Variants in ADGRV1 observed in about 807,000 individuals in gnomAD.
ADGRV1 encodes the protein adhesion G protein-coupled receptor V1.
A neutral mutation model predicts 596.2 loss-of-function variants in ADGRV1; 359 were observed. The observed-to-expected ratio is 0.60, with a 90% CI of 0.55 to 0.66. The LOEUF is 0.66. Ranked by LOEUF, ADGRV1 falls within the 30% of genes least tolerant of loss-of-function variation. The probability of loss-of-function intolerance (pLI) is 0.00; values close to 1 mark genes in which losing one functional copy is unlikely to be tolerated. For missense variants in ADGRV1, 7,274 were observed against 7,575.6 expected (o/e 0.96, Z 1.48); for synonymous variants, 2,681 against 2,679.2 (o/e 1.00, Z -0.02).
intron 29 of ADGRV1, among the ~76,000 whole-genome samples, chr5:90,688,243 A>G (rs1000393693): frequency 1.3e-5 from 2 of 152,208 alleles, no homozygotes; most frequent in South Asian, 2.1e-4. Flanking sequence ...ATAACGCCGC[A>G]TATCTACAAC....
intron 82 of ADGRV1, among the ~76,000 whole-genome samples, chr5:90,858,599 C>T (rs1284725729): frequency 6.6e-6 from 1 of 152,088 alleles, no homozygotes; most frequent in East Asian, 1.9e-4. Flanking sequence ...CTTTCCACCT[C>T]ACCCTCCCAA....
intron 15 of ADGRV1, among the ~76,000 whole-genome samples, chr5:90,645,595 C>G (rs1472308413): frequency 2.0e-5 from 3 of 152,150 alleles, no homozygotes; most frequent in Non-Finnish European, 4.4e-5. Flanking sequence ...ACTCTAAACT[C>G]TGCTCTAAAT....
At chr5:90,573,710 T>C (rs1047452406) in intron 1 of ADGRV1, among the ~76,000 whole-genome samples, 1 of 152,232 alleles carries the variant, frequency 6.6e-6, no homozygotes. Context: ...AGACAAATTA[T>C]TGAAGTTTTA....
chr5:90,780,483 T>G (rs144127292), intron 64 of ADGRV1, among the ~76,000 whole-genome samples: 407 of 152,274 alleles, frequency 2.7e-3, no homozygotes, highest in African/African-American at 9.3e-3. Context: ...ATCGGCATTT[T>G]TTAGCATGAG....
intron 85 of ADGRV1, among the ~76,000 whole-genome samples, chr5:91,036,058 CATT>C (rs1192590766): frequency 6.6e-6 from 1 of 150,854 alleles, no homozygotes; most frequent in Non-Finnish European, 1.5e-5. Context: ...ATGAAGAAAT[CATT>C]ATGTTTAAAT....
intron 1 of ADGRV1, among the ~76,000 whole-genome samples, chr5:90,581,827 TAA>T (rs1758102520): frequency 6.6e-6 from 1 of 152,352 alleles, no homozygotes; most frequent in East Asian, 1.9e-4. Flanking sequence ...TTAAGGCTAT[TAA>T]GTTTCTTCTT....
intron 1 of ADGRV1, among the ~76,000 whole-genome samples, chr5:90,587,725 T>G (rs1368611514): frequency 6.6e-6 from 1 of 151,950 alleles, no homozygotes; most frequent in Non-Finnish European, 1.5e-5. Context: ...GCCCAGCTAA[T>G]TTTTTGTATT....
chr5:90,716,726 C>A lies in ADGRV1; in HGVS notation c.9444C>A (p.Phe3148Leu), dbSNP rs1220653261. Residue 3148 changes from phenylalanine (F) to leucine (L), a missense_variant, in exon 43 of 90, where the codon TTC becomes TTA. Physicochemically the swap from Phe to Leu is conservative, Grantham distance 22. Transcript: ENST00000405460. ...GYIVLEEGVR[F>L]KALQISAILD... ...TTGTTTTAGAAGAAGGTGTTCGATT[C>A]AAGGTACAGTAAGAAGCTTTAATGA... 8.7e-6 allele frequency: 14 copies of A among 1,609,244 alleles called. No homozygotes were observed. Among genetic ancestry groups the A allele is most frequent in the South Asian group, 2.2e-5 (2 of 90,678 alleles).
At chr5:90,932,513 G>C (rs917776995) in intron 83 of ADGRV1, among the ~76,000 whole-genome samples, 1 of 152,066 alleles carries the variant, frequency 6.6e-6, no homozygotes, top group Non-Finnish European at 1.5e-5. Flanking sequence ...TGTTTTTCAA[G>C]GTACTAGTTT....
In ADGRV1 at chr5:90,757,378, C is replaced by CT. The variant is rs35878305; in HGVS notation, c.11940+217_11940+218insT. 0.48 allele frequency among the ~76,000 whole-genome samples: 72,450 copies of CT among 151,852 alleles called. 17,447 individuals carry two copies. Among genetic ancestry groups the CT allele is most frequent in the Admixed American group, 0.58 (8,922 of 15,258 alleles). On this transcript the variant is annotated intron_variant, in intron 57 of 89. Transcript: ENST00000405460. ...ACAATCTTACCCTTTTCTGAACCCC[C>CT]GCCCCAGTTTTATTTAAAATAAATA...
At chr5:90,666,291 G>C (rs1323993302) in intron 21 of ADGRV1, among the ~76,000 whole-genome samples, 5 of 152,056 alleles carry the variant, frequency 3.3e-5, no homozygotes, top group Non-Finnish European at 7.4e-5. Flanking sequence ...TTTGAATGTG[G>C]GTGCTCCTTT....
intron 3 of ADGRV1, 47 bp from the exon 4 acceptor site, chr5:90,619,039 T>C (rs1455241659): frequency 2.3e-6 from 2 of 888,726 alleles, no homozygotes; most frequent in Non-Finnish European, 3.3e-6. Flanking sequence ...TTTTAACTTA[T>C]TATTTTATTT....
intron 87 of ADGRV1, among the ~76,000 whole-genome samples, chr5:91,122,937 A>T (rs1350563725): frequency 2.0e-5 from 3 of 152,182 alleles, no homozygotes; most frequent in Admixed American, 2.0e-4. Context: ...GGACTCCTAG[A>T]CTTCCTGCCT....
At chr5:90,693,465 T>C (rs1411833060) in intron 32 of ADGRV1, among the ~76,000 whole-genome samples, 2 of 152,072 alleles carry the variant, frequency 1.3e-5, no homozygotes, top group Non-Finnish European at 2.9e-5. Context: ...TTTTTTTTTC[T>C]GAATATTTTT....
At chr5:90,790,285 T>C (rs1294807809) in intron 69 of ADGRV1, among the ~76,000 whole-genome samples, 1 of 152,198 alleles carries the variant, frequency 6.6e-6, no homozygotes, top group Admixed American at 6.5e-5. Context: ...GATGCCCTTG[T>C]AAGTTTTCAT....
chr5:90,598,450 A>G (rs1034365288), intron 1 of ADGRV1, among the ~76,000 whole-genome samples: 3 of 152,258 alleles, frequency 2.0e-5, no homozygotes, highest in African/African-American at 7.2e-5. Context: ...ATAGCACTAA[A>G]GAAATGGCAT....
chr5:91,077,401 A>T (rs930931632), intron 86 of ADGRV1, among the ~76,000 whole-genome samples: 4 of 152,218 alleles, frequency 2.6e-5, no homozygotes, highest in Non-Finnish European at 5.9e-5. Flanking sequence ...ACATTTGTTC[A>T]CTGGTTATAA....
intron 52 of ADGRV1, among the ~76,000 whole-genome samples, chr5:90,747,796 T>A (rs1317520834): frequency 6.6e-6 from 1 of 152,174 alleles, no homozygotes; most frequent in Non-Finnish European, 1.5e-5. Context: ...TCTCCTGAAA[T>A]TCCAGTTCCC....
chr5:91,098,237 A>G (rs995731426), intron 86 of ADGRV1, among the ~76,000 whole-genome samples: 1 of 152,182 alleles, frequency 6.6e-6, no homozygotes, highest in Non-Finnish European at 1.5e-5. Context: ...CAGTTTGCCA[A>G]ATGGAATTTA....
Sources: allele counts gnomAD v4.1 joint callset (sites outside exome capture counted in the v4.1 genomes callset), GRCh38; gene constraint gnomAD v4.1.1; transcripts MANE v1.5; gene names NCBI Gene and HGNC (gene_info 2026-07-23, HGNC 2026-07-21).